The following IRAK2 variants were observed in gnomAD, a reference collection of about 807,000 sequenced individuals.
IRAK2 encodes interleukin-1 receptor-associated kinase-like 2.
Under a neutral mutation model 72.0 loss-of-function variants are expected in IRAK2, and 57 were observed. That is an observed-to-expected ratio of 0.79 (90% CI 0.64 to 0.99). The LOEUF (loss-of-function observed/expected upper bound fraction) is 0.99. Among genes scored for constraint, IRAK2 ranks in the 50% least tolerant of loss-of-function variants. IRAK2 has a pLI of 0.00. For missense variants in IRAK2, 790 were observed against 794.4 expected (o/e 0.99, Z 0.07); for synonymous variants, 293 against 312.7 (o/e 0.94, Z 0.67).
chr3:10,168,827 C>A (rs1260804468), intron 1 of IRAK2, among the ~76,000 whole-genome samples: 1 of 152,202 alleles, frequency 6.6e-6, no homozygotes, highest in Non-Finnish European at 1.5e-5. Flanking sequence ...AGGGTCTTTG[C>A]AGGTGCTGTT....
At chr3:10,190,281 T>TTC (rs1281189013) in intron 2 of IRAK2, among the ~76,000 whole-genome samples, 2 of 112,288 alleles carry the variant, frequency 1.8e-5, no homozygotes, top group African/African-American at 9.5e-5. Flanking sequence ...CTTTGTTTCT[T>TTC]TTTTTTTTTT....
intron 1 of IRAK2, 121 bp from the exon 2 acceptor site, chr3:10,177,717 A>G (rs972071405): frequency 1.9e-5 from 18 of 927,980 alleles, no homozygotes; most frequent in Non-Finnish European, 6.8e-6. Flanking sequence ...TGGTGTTTCC[A>G]GTGTGGAGGC....
At chr3:10,213,768 C>T (rs1196251568) in intron 6 of IRAK2, among the ~76,000 whole-genome samples, 1 of 152,166 alleles carries the variant, frequency 6.6e-6, no homozygotes, top group African/African-American at 2.4e-5. Context: ...TAATGAGTGG[C>T]AGAGCCAGGA....
At chr3:10,201,309 C>T (rs1697357186) in intron 3 of IRAK2, among the ~76,000 whole-genome samples, 1 of 152,228 alleles carries the variant, frequency 6.6e-6, no homozygotes, top group African/African-American at 2.4e-5. Context: ...CAGTGGTCTC[C>T]CGTGTCCCCA....
chr3:10,184,978 G>T (rs575476010), intron 2 of IRAK2, among the ~76,000 whole-genome samples: 3 of 150,438 alleles, frequency 2.0e-5, no homozygotes, highest in African/African-American at 7.4e-5. Flanking sequence ...TGATCCGCCC[G>T]CCTTGGCCTC....
intron 4 of IRAK2, among the ~76,000 whole-genome samples, chr3:10,211,933 A>G (rs573808484): frequency 6.6e-6 from 1 of 152,108 alleles, no homozygotes; most frequent in East Asian, 1.9e-4. Flanking sequence ...ACAAAAAATT[A>G]GCCGGACAGG....
chr3:10,218,080 C>T (rs148164755), intron 7 of IRAK2, among the ~76,000 whole-genome samples: 32 of 152,294 alleles, frequency 2.1e-4, no homozygotes, highest in African/African-American at 7.7e-4. Flanking sequence ...TTAGCAGGGG[C>T]TGTCCAGGCC....
intron 1 of IRAK2, among the ~76,000 whole-genome samples, chr3:10,165,721 A>ATTTTTT (rs34176794): frequency 9.1e-5 from 7 of 76,774 alleles, no homozygotes; most frequent in African/African-American, 3.0e-4. Flanking sequence ...GTCTTGAACT[A>ATTTTTT]TTTTTTTTTT....
At chr3:10,240,372 G>T (rs1377947291) in intron 12 of IRAK2, among the ~76,000 whole-genome samples, 2 of 149,322 alleles carry the variant, frequency 1.3e-5, no homozygotes, top group African/African-American at 4.9e-5. Flanking sequence ...CAGGAGAATT[G>T]CTTGAACCCG....
At chr3:10,185,668 A>G (rs1431563619) in intron 2 of IRAK2, among the ~76,000 whole-genome samples, 1 of 150,592 alleles carries the variant, frequency 6.6e-6, no homozygotes, top group Non-Finnish European at 1.5e-5. Flanking sequence ...TGAGGTCAGG[A>G]GTTCAAGACC....
At chr3:10,238,670 C>A in intron 11 of IRAK2, 78 bp from the exon 12 acceptor site, 1 of 1,409,132 alleles carries the variant, frequency 7.1e-7, no homozygotes, top group Non-Finnish European at 9.8e-7. Flanking sequence ...CGCCCCCTCT[C>A]TGCTGGGAGG....
At chr3:10,223,763 C>A (rs1313409464) in intron 9 of IRAK2, among the ~76,000 whole-genome samples, 9 of 152,214 alleles carry the variant, frequency 5.9e-5, no homozygotes, top group Non-Finnish European at 1.3e-4. Context: ...AGAAGAGTAA[C>A]AGTCAGGTTG....
intron 1 of IRAK2, among the ~76,000 whole-genome samples, chr3:10,171,975 C>T (rs888258804): frequency 1.3e-5 from 2 of 151,892 alleles, no homozygotes; most frequent in South Asian, 2.1e-4. Flanking sequence ...TAGTGGCTCA[C>T]GGCTGTAATC....
chr3:10,217,198 T>G, intron 7 of IRAK2, 150 bp downstream of exon 7: 1 of 624,642 alleles, frequency 1.6e-6, no homozygotes, highest in East Asian at 2.7e-5. Flanking sequence ...CCAGGATACA[T>G]AAGATCTGGT....
intron 4 of IRAK2, among the ~76,000 whole-genome samples, chr3:10,210,162 C>A (rs1240601948): frequency 6.6e-6 from 1 of 152,138 alleles, no homozygotes; most frequent in Non-Finnish European, 1.5e-5. Context: ...GTCAGGTGAT[C>A]CACCTGCCTC....
intron 2 of IRAK2, among the ~76,000 whole-genome samples, chr3:10,186,150 A>G (rs1247079011): frequency 6.6e-6 from 1 of 151,624 alleles, no homozygotes; most frequent in Non-Finnish European, 1.5e-5. Flanking sequence ...TTCCACGTTC[A>G]TTATTCTCTG....
At chr3:10,219,244 G>C (rs546672068) in intron 7 of IRAK2, among the ~76,000 whole-genome samples, 2 of 152,252 alleles carry the variant, frequency 1.3e-5, no homozygotes, top group East Asian at 3.9e-4. Flanking sequence ...GCTGAGCCCT[G>C]TGACAGAGGA....
chr3:10,171,222 C>T (rs981467015), intron 1 of IRAK2, among the ~76,000 whole-genome samples: 2 of 152,282 alleles, frequency 1.3e-5, no homozygotes, highest in East Asian at 1.9e-4. Flanking sequence ...TGTGTGTGGC[C>T]GTTCCCCGTC....
intron 3 of IRAK2, among the ~76,000 whole-genome samples, chr3:10,201,865 A>G (rs1697365674): frequency 1.3e-5 from 2 of 152,176 alleles, no homozygotes; most frequent in Admixed American, 1.3e-4. Context: ...TGAAAGGAAC[A>G]TGTTTTGTGG....
Sources: gnomAD v4.1 joint callset for allele counts (sites outside exome capture counted in the v4.1 genomes callset) on GRCh38, gnomAD v4.1.1 for gene constraint, MANE v1.5 for transcripts, NCBI Gene and HGNC (gene_info 2026-07-23, HGNC 2026-07-21) for gene names.